CTBP2: variants seen among roughly 807,000 people sequenced by gnomAD.
CTBP2 encodes C-terminal-binding protein 2.
In CTBP2, 30 loss-of-function variants were observed where a neutral mutation model predicts 80.3. The ratio of observed to expected loss-of-function variants is 0.37; its 90% CI spans 0.28 to 0.51. The LOEUF is 0.51. Among genes scored for constraint, CTBP2 ranks in the 20% least tolerant of loss-of-function variants. CTBP2 has a pLI of 0.93. For synonymous variants in CTBP2, 594 were observed against 587.4 expected (o/e 1.01, Z -0.16); for missense variants, 1,212 against 1,375.3 (o/e 0.88, Z 1.88).
At chr10:125,070,004 A>G (rs899514888) in intron 2 of CTBP2, among the ~76,000 whole-genome samples, 17 of 151,974 alleles carry the variant, frequency 1.1e-4, no homozygotes, top group African/African-American at 4.1e-4. Context: ...AGCTGGGCCA[A>G]TCACTTGAGC....
At chr10:125,106,895 G>A (rs1277959571) in intron 2 of CTBP2, among the ~76,000 whole-genome samples, 1 of 152,258 alleles carries the variant, frequency 6.6e-6, no homozygotes, top group Non-Finnish European at 1.5e-5. Context: ...TGGAGGGCGT[G>A]ACCCCTGTGT....
chr10:125,120,052 A>G (rs573220351), intron 1 of CTBP2, among the ~76,000 whole-genome samples: 1 of 152,354 alleles, frequency 6.6e-6, no homozygotes, highest in African/African-American at 2.4e-5. Flanking sequence ...TGGGGATTTC[A>G]ATGCAGATGT....
At chr10:125,002,533 AT>A (rs1287903639) in intron 3 of CTBP2, among the ~76,000 whole-genome samples, 1 of 152,158 alleles carries the variant, frequency 6.6e-6, no homozygotes, top group African/African-American at 2.4e-5. Context: ...CCAGGTTCCC[AT>A]GTGGACAGGG....
chr10:125,005,630 G>A (rs754304811), intron 1 of CTBP2: 2 of 1,612,926 alleles, frequency 1.2e-6, no homozygotes, highest in South Asian at 1.1e-5. Context: ...ATCCGCAACA[G>A]CACCGTCACC....
chr10:124,993,245 C>T lies in CTBP2; in HGVS notation c.2616G>A (p.Glu872=), dbSNP rs1952955918. 2 of 1,599,464 alleles carry T rather than the reference C, an allele frequency of 1.3e-6. No individual in the cohort carries two copies. Among genetic ancestry groups the T allele is most frequent in the East Asian group, 2.3e-5 (1 of 44,438 alleles). The change falls in exon 7 of 9, where the codon GAG becomes GAA. Residue 872 remains glutamate, a synonymous_variant. Transcript: ENST00000309035. ...TCTCGGTGGCAGCTGCCTCCCTCAT[C>T]TCCAGTGACGCCTGCTCACTGTACC...
chr10:125,025,163 G>A (rs1054393855), intron 1 of CTBP2, among the ~76,000 whole-genome samples: 2 of 152,032 alleles, frequency 1.3e-5, no homozygotes, highest in Non-Finnish European at 1.5e-5. Context: ...AAAATCATTT[G>A]AAAAGGATTC....
At chr10:125,071,024 G>A (rs61869188) in intron 2 of CTBP2, among the ~76,000 whole-genome samples, 8,837 of 152,310 alleles carry the variant, frequency 0.058, 374 homozygotes, top group South Asian at 0.13. Flanking sequence ...AAAATGCCCC[G>A]TATGCGGTGA....
intron 2 of CTBP2, among the ~76,000 whole-genome samples, chr10:125,092,661 G>A (rs1384596238): frequency 6.6e-6 from 1 of 152,156 alleles, no homozygotes; most frequent in Admixed American, 6.5e-5. Context: ...CAGGCCCCGG[G>A]GGCAGTGGAG....
intron 2 of CTBP2, among the ~76,000 whole-genome samples, chr10:125,085,930 G>T (rs1847900830): frequency 6.6e-6 from 1 of 152,202 alleles, no homozygotes; most frequent in Non-Finnish European, 1.5e-5. Context: ...CCCTCACAGG[G>T]CCACAACCGC....
intron 2 of CTBP2, among the ~76,000 whole-genome samples, chr10:125,106,087 G>A (rs1263546769): frequency 6.6e-6 from 1 of 152,218 alleles, no homozygotes; most frequent in Admixed American, 6.5e-5. Context: ...CCATCCCTCA[G>A]TTCAGTGGCC....
In CTBP2 at chr10:125,026,731, G is replaced by A; in HGVS notation, c.1029C>T (p.Ser343=). Residue 343 remains serine, a synonymous_variant, in exon 1 of 9, where the codon AGC becomes AGT. Transcript: ENST00000309035. ...CGGTCCTGCAGCTATTGGCCAGGCGGCTCAGAACACGGGCCTGGCCCAGGT... is the reference window on the plus strand; with the variant it reads ...CGGTCCTGCAGCTATTGGCCAGGCGACTCAGAACACGGGCCTGGCCCAGGT... 1 of 1,612,918 alleles carries A rather than the reference G, an allele frequency of 6.2e-7. No homozygotes were observed.
intron 3 of CTBP2, among the ~76,000 whole-genome samples, chr10:125,033,407 AGC>A (rs1958476791): frequency 6.6e-6 from 1 of 152,172 alleles, no homozygotes; most frequent in Non-Finnish European, 1.5e-5. Flanking sequence ...GAGCTTTAGT[AGC>A]AAGCGAGCCA....
At chr10:125,091,089 T>C (rs978667569) in intron 2 of CTBP2, among the ~76,000 whole-genome samples, 1 of 152,138 alleles carries the variant, frequency 6.6e-6, no homozygotes, top group Non-Finnish European at 1.5e-5. Context: ...ACAAAGGATA[T>C]GACTTAACAC....
At chr10:125,131,614 A>G (rs1182049110) in intron 1 of CTBP2, among the ~76,000 whole-genome samples, 1 of 152,220 alleles carries the variant, frequency 6.6e-6, no homozygotes, top group Admixed American at 6.5e-5. Context: ...ACTTACGTTC[A>G]CATTGTCTGC....
At chr10:125,084,174 T>C (rs1171032513) in intron 2 of CTBP2, among the ~76,000 whole-genome samples, 1 of 151,948 alleles carries the variant, frequency 6.6e-6, no homozygotes, top group Non-Finnish European at 1.5e-5. Flanking sequence ...ATGCTGGTCT[T>C]GAACTTCTGA....
chr10:125,067,161 C>T (rs915950846), intron 2 of CTBP2, among the ~76,000 whole-genome samples: 25 of 152,102 alleles, frequency 1.6e-4, no homozygotes, highest in African/African-American at 6.0e-4. Flanking sequence ...ACCCATAACC[C>T]AGCCCAGGAA....
Position 125,026,585 on chromosome 10 carries a change from A to G in CTBP2, c.1175T>C (p.Leu392Pro), listed in dbSNP as rs3781412. 0.38 allele frequency: 599,994 copies of G among 1,561,462 alleles called. 118,245 individuals carry two copies. The highest frequency in any genetic ancestry group is 0.54 in the Admixed American group (27,799 of 51,730). The stretch of plus-strand genomic sequence containing the variant: ...TCCAGCTCGGGGGGATGCTGTCTGC[A>G]GAGGAGCCGCAGCGCCCAGAGAAGC... The change falls in exon 1 of 9, where the codon CTG (leucine) becomes CCG (proline). Residue 392 changes from leucine to proline, a missense_variant. Leu to Pro is a moderately conservative substitution (Grantham distance 98). Transcript: ENST00000309035.
Position 125,026,609 on chromosome 10 carries a change from G to C in CTBP2, c.1151C>G (p.Ala384Gly). The change falls in exon 1 of 9, where the codon GCT becomes GGT. Residue 384 changes from alanine (A) to glycine (G), a missense_variant. By Grantham distance (60) the Ala-to-Gly change is moderately conservative (BLOSUM62 0). Coordinates refer to ENST00000309035, the MANE Select transcript of CTBP2 (RefSeq NM_022802.3). The stretch of plus-strand genomic sequence containing the variant: ...CAGAGGAGCCGCAGCGCCCAGAGAA[G>C]CCAAGTCACCATGGAGCAGTTCGCT... The C allele has an allele frequency of 7.5e-7, 1 of 1,336,976 alleles. No individual in the cohort carries two copies. The highest frequency in any genetic ancestry group is 1.0e-6 in the Non-Finnish European group (1 of 971,914). 82.8% of individuals were successfully genotyped at this position (1,336,976 alleles called of 1,614,324 possible). A position where few individuals can be genotyped will look rare whatever the true frequency, so the allele number is the denominator to read the frequency against.
At chr10:125,035,334 GTTTA>G (rs1174439925) in intron 3 of CTBP2, among the ~76,000 whole-genome samples, 1 of 152,146 alleles carries the variant, frequency 6.6e-6, no homozygotes, top group African/African-American at 2.4e-5. Flanking sequence ...TCATGAGCTT[GTTTA>G]TTTAAGAGGA....
Sources: gnomAD v4.1 joint callset for allele counts (sites outside exome capture counted in the v4.1 genomes callset) on GRCh38, gnomAD v4.1.1 for gene constraint, MANE v1.5 for transcripts, NCBI Gene and HGNC (gene_info 2026-07-23, HGNC 2026-07-21) for gene names.